Variants in UTRN observed in about 807,000 individuals in gnomAD.
The protein encoded by UTRN is dystrophin-related protein 1.
A neutral mutation model predicts 463.9 loss-of-function variants in UTRN; 283 were observed. The observed-to-expected ratio is 0.61, with a 90% CI of 0.55 to 0.67. The LOEUF is 0.67. Ranked by LOEUF, UTRN falls within the 30% of genes least tolerant of loss-of-function variation. UTRN has a pLI of 0.00. For missense variants in UTRN, 3,922 were observed against 4,084.3 expected, an observed-to-expected ratio of 0.96 and a Z score of 1.08; for synonymous variants, 1,442 against 1,431.5, an observed-to-expected ratio of 1.01 and a Z score of -0.17.
At chr6:144,523,707 A>T (rs1380456022) in intron 41 of UTRN, among the ~76,000 whole-genome samples, 1 of 152,234 alleles carries the variant, frequency 6.6e-6, no homozygotes, top group Non-Finnish European at 1.5e-5. Context: ...TCTTAATGAT[A>T]TGGAAGCACT....
intron 2 of UTRN, among the ~76,000 whole-genome samples, chr6:144,375,199 T>C (rs1055869890): frequency 1.3e-5 from 2 of 152,232 alleles, no homozygotes; most frequent in Non-Finnish European, 2.9e-5. Context: ...GTTGGTTATC[T>C]AGAATTAACA....
intron 41 of UTRN, among the ~76,000 whole-genome samples, chr6:144,528,489 C>T (rs992136369): frequency 1.1e-4 from 16 of 152,200 alleles, no homozygotes; most frequent in Admixed American, 2.0e-4. Context: ...TGAAATGCTT[C>T]CTTGATGTAG....
chr6:144,448,614 A>T lies in UTRN; in HGVS notation c.1917A>T (p.Val639=). 1 of 1,613,908 alleles carries T rather than the reference A, an allele frequency of 6.2e-7. No homozygotes were observed. The highest frequency in any genetic ancestry group is 8.5e-7 in the Non-Finnish European group (1 of 1,179,866). The stretch of plus-strand genomic sequence containing the variant: ...TTTTATTTCAGGTGACTCAGGCTGT[A>T]GCAAAGCTGGGGATGTCTCAGATTC... ...EDSSNQVTQA[V]AKLGMSQIPQ... is the part of the protein sequence containing the mutation. Residue 639 remains valine, a synonymous_variant, in exon 17 of 75, where the codon GTA becomes GTT. Transcript: ENST00000367545.
intron 3 of UTRN, among the ~76,000 whole-genome samples, chr6:144,421,206 C>T (rs953859714): frequency 6.6e-6 from 1 of 152,110 alleles, no homozygotes; most frequent in Non-Finnish European, 1.5e-5. Context: ...GAGGTTTCAC[C>T]ATATTGGCCA....
chr6:144,328,095 T>C (rs1250018098), intron 2 of UTRN, among the ~76,000 whole-genome samples: 1 of 151,918 alleles, frequency 6.6e-6, no homozygotes, highest in African/African-American at 2.4e-5. Flanking sequence ...CTGTCTACTA[T>C]CGCAACCCCA....
At chr6:144,551,136 G>A (rs1197873936) in intron 48 of UTRN, 54 bp downstream of exon 48, 1 of 634,484 alleles carries the variant, frequency 1.6e-6, no homozygotes, top group African/African-American at 2.0e-5. Context: ...TGCAAATGGT[G>A]ACACACACAC....
intron 28 of UTRN, 65 bp from the exon 29 acceptor site, chr6:144,487,483 G>T: frequency 7.1e-7 from 1 of 1,398,696 alleles, no homozygotes; most frequent in South Asian, 1.8e-5. Flanking sequence ...AGACATTTTG[G>T]GGATCCTTGA....
chr6:144,625,169 C>G (rs578061717), intron 51 of UTRN, among the ~76,000 whole-genome samples: 1 of 152,246 alleles, frequency 6.6e-6, no homozygotes, highest in African/African-American at 2.4e-5. Flanking sequence ...GTGATGCCCC[C>G]TGTAAAGAAA....
At chr6:144,732,279 C>CATATATATATAT (rs1788744680) in intron 54 of UTRN, among the ~76,000 whole-genome samples, 1 of 103,216 alleles carries the variant, frequency 9.7e-6, no homozygotes, top group Admixed American at 1.1e-4. Flanking sequence ...TATATATATA[C>CATATATATATAT]ACACATATAT....
At chr6:144,721,195 T>C (rs989825996) in intron 53 of UTRN, among the ~76,000 whole-genome samples, 3 of 152,152 alleles carry the variant, frequency 2.0e-5, no homozygotes, top group African/African-American at 7.2e-5. Flanking sequence ...AAAACATGAT[T>C]TCAGTATTCC....
chr6:144,404,449 G>A (rs913458563), intron 3 of UTRN, among the ~76,000 whole-genome samples: 2 of 152,206 alleles, frequency 1.3e-5, no homozygotes, highest in African/African-American at 4.8e-5. Context: ...TCCAGAGAAT[G>A]TAGTTTTAGC....
intron 33 of UTRN, among the ~76,000 whole-genome samples, chr6:144,496,667 G>C (rs1413767021): frequency 6.6e-6 from 1 of 152,158 alleles, no homozygotes. Flanking sequence ...TTGTCTAATG[G>C]AACTTAGGGT....
intron 69 of UTRN, among the ~76,000 whole-genome samples, chr6:144,829,681 G>T (rs989035511): frequency 1.3e-5 from 2 of 150,142 alleles, no homozygotes; most frequent in African/African-American, 4.9e-5. Context: ...CAGAAAAGTT[G>T]TCAAACATAG....
At chr6:144,557,458 G>T in intron 50 of UTRN, 147 bp downstream of exon 50, 1 of 813,858 alleles carries the variant, frequency 1.2e-6, no homozygotes. Context: ...TTCTGAGTTA[G>T]TATTATCATA....
chr6:144,667,027 C>T (rs913443668), intron 51 of UTRN, among the ~76,000 whole-genome samples: 3 of 134,592 alleles, frequency 2.2e-5, no homozygotes, highest in African/African-American at 3.6e-5. Flanking sequence ...CCTCTTCTTC[C>T]TCCTCCTCCT....
intron 42 of UTRN, 149 bp downstream of exon 42, chr6:144,531,351 A>G (rs1797042783): frequency 3.5e-6 from 3 of 869,198 alleles, no homozygotes; most frequent in African/African-American, 3.4e-5. Flanking sequence ...GTTACCAGTT[A>G]TAAAAGTTTA....
intron 52 of UTRN, among the ~76,000 whole-genome samples, chr6:144,695,974 G>A (rs1783960488): frequency 1.3e-5 from 2 of 152,016 alleles, no homozygotes; most frequent in South Asian, 4.2e-4. Flanking sequence ...GGTTTCAAAG[G>A]CCAGTAAAAT....
chr6:144,840,168 C>T (rs774374800), intron 72 of UTRN, among the ~76,000 whole-genome samples: 13 of 151,812 alleles, frequency 8.6e-5, no homozygotes, highest in Admixed American at 2.0e-4. Flanking sequence ...AGCCTGGTGA[C>T]GGAGGCTCCA....
chr6:144,615,419 G>T (rs1371128100), intron 51 of UTRN, among the ~76,000 whole-genome samples: 2 of 152,006 alleles, frequency 1.3e-5, no homozygotes, highest in African/African-American at 4.8e-5. Context: ...GCCATCTCAG[G>T]CATTACTTCT....
Sources: gnomAD v4.1 joint callset for allele counts (sites outside exome capture counted in the v4.1 genomes callset) on GRCh38, gnomAD v4.1.1 for gene constraint, MANE v1.5 for transcripts, NCBI Gene and HGNC (gene_info 2026-07-23, HGNC 2026-07-21) for gene names.